The following NT5C1A variants were observed in gnomAD, a reference collection of about 807,000 sequenced individuals.
NT5C1A encodes cytosolic 5'-nucleotidase 1A.
Under a neutral mutation model 31.0 loss-of-function variants are expected in NT5C1A, and 18 were observed. The observed-to-expected ratio is 0.58, with a 90% CI of 0.40 to 0.86. The LOEUF is 0.86. NT5C1A is among the 40% of genes least tolerant of loss of function. The pLI, the probability that NT5C1A is intolerant of heterozygous loss-of-function variation, is 0.00. For synonymous variants in NT5C1A, 185 were observed against 203.6 expected, an observed-to-expected ratio of 0.91 and a Z score of 0.78; for missense variants, 470 against 505.4, an observed-to-expected ratio of 0.93 and a Z score of 0.67.
At position 39,659,475 on chromosome 1, in the gene NT5C1A, C is replaced by T; in HGVS notation, c.753G>A (p.Lys251=). 6.4e-7 allele frequency: 1 copy of T among 1,572,542 alleles called. No homozygotes were observed. The highest frequency in any genetic ancestry group is 1.4e-5 in the African/African-American group (1 of 73,490). Residue 251 remains lysine, a synonymous_variant, in exon 6 of 6, where the codon AAG becomes AAA. Transcript: ENST00000235628. ...ENKPLAQGPL[K]GFLEALGRLQ... ...ACCTACCCAGTGCCTCCAGAAAGCC[C>T]TTTAAGGGGCCCTATGAGAAGGCAA...
intron 1 of NT5C1A, among the ~76,000 whole-genome samples, chr1:39,666,909 T>C (rs1438106835): frequency 2.0e-5 from 3 of 152,140 alleles, no homozygotes; most frequent in Non-Finnish European, 4.4e-5. Flanking sequence ...CCGAAATGAG[T>C]CAACTCTACT....
intron 1 of NT5C1A, among the ~76,000 whole-genome samples, chr1:39,668,243 T>A (rs565970867): frequency 6.6e-6 from 1 of 152,354 alleles, no homozygotes; most frequent in East Asian, 1.9e-4. Flanking sequence ...CTGGGCTTAC[T>A]GCCCCAGGGA....
rs930827718 is a variant in NT5C1A at position 39,656,234 on chromosome 1, T to C, written c.*2887A>G. Reference sequence around the variant, plus strand: ...AGCCGTGGCTGCTCCACCTCAGTGCTGCATTCCCTGGTTAGGCCTGGGACT... The same window carrying C: ...AGCCGTGGCTGCTCCACCTCAGTGCCGCATTCCCTGGTTAGGCCTGGGACT... On this transcript the variant is annotated 3_prime_UTR_variant, in exon 6 of 6. Transcript: ENST00000235628. Among the ~76,000 whole-genome samples the C allele has an allele frequency of 6.6e-6, 1 of 152,210 alleles. No individual in the cohort carries two copies. Among genetic ancestry groups the C allele is most frequent in the African/African-American group, 2.4e-5 (1 of 41,460 alleles).
rs975691411 is a variant in NT5C1A at position 39,665,395 on chromosome 1, AC to A, written c.433+125del. The stretch of plus-strand genomic sequence containing the variant: ...GTTTGTTTGTTTAAAGAGCGAATTT[AC>A]CAGCACACACTGGACTTGGGGTTCT... On this transcript the variant is annotated intron_variant, in intron 3 of 5. Transcript: ENST00000235628. 20 of 850,736 alleles carry A rather than the reference AC, an allele frequency of 2.4e-5. No homozygotes were observed. The African/African-American group carries it at 3.2e-4, about 14-fold the overall frequency. 52.7% of individuals were successfully genotyped at this position (850,736 alleles called of 1,614,324 possible).
At chr1:39,669,272 A>T (rs1020720511) in intron 1 of NT5C1A, among the ~76,000 whole-genome samples, 1 of 151,782 alleles carries the variant, frequency 6.6e-6, no homozygotes, top group South Asian at 2.1e-4. Context: ...CTTCCTGAGG[A>T]GCTCCCATTT....
intron 1 of NT5C1A, among the ~76,000 whole-genome samples, chr1:39,669,547 T>C (rs558413784): frequency 1.3e-5 from 2 of 152,264 alleles, no homozygotes; most frequent in East Asian, 3.9e-4. Context: ...CAAAATAGCC[T>C]GTGGGAAGAG....
In NT5C1A at chr1:39,665,503, CCTCATG is replaced by C. The variant is rs778056062; in HGVS notation, c.433+12_433+17del. ...GGGTGTCCCAGGGCAAACCCCCCAT[CCTCATG>C]CTCATGCTCACCATAGTGGTTGATA... On this transcript the variant is annotated intron_variant, in intron 3 of 5. Coordinates refer to ENST00000235628, the MANE Select transcript of NT5C1A (RefSeq NM_032526.3). 42 of 1,603,024 alleles carry C rather than the reference CCTCATG, an allele frequency of 2.6e-5. No homozygotes were observed. Among genetic ancestry groups the C allele is most frequent in the East Asian group, 6.7e-5 (3 of 44,608 alleles).
intron 5 of NT5C1A, among the ~76,000 whole-genome samples, chr1:39,659,803 A>C (rs1276925992): frequency 6.6e-6 from 1 of 152,194 alleles, no homozygotes; most frequent in East Asian, 1.9e-4. Context: ...TTCGATGCCC[A>C]TCAACAGGGG....
chr1:39,656,076 G>A lies in NT5C1A; in HGVS notation c.*3045C>T, dbSNP rs1165565168. 2.4e-5 allele frequency among the ~76,000 whole-genome samples: 2 copies of A among 83,976 alleles called. No homozygotes were observed. Among genetic ancestry groups the A allele is most frequent in the East Asian group, 2.2e-4 (1 of 4,522 alleles). 55.1% of individuals were successfully genotyped at this position (83,976 alleles called of 152,430 possible). A position where few individuals can be genotyped will look rare whatever the true frequency, so the allele number is the denominator to read the frequency against. On this transcript the variant is annotated 3_prime_UTR_variant, in exon 6 of 6. Transcript: ENST00000235628. Reference sequence around the variant, plus strand: ...GAGCAGTCTCAGTGCTTAGTAACAGGGCTTCCATTTTTCTGCTAAGCAGCA... The same window carrying A: ...GAGCAGTCTCAGTGCTTAGTAACAGAGCTTCCATTTTTCTGCTAAGCAGCA...
intron 2 of NT5C1A, 137 bp downstream of exon 2, chr1:39,665,932 A>C (rs957593030): frequency 1.2e-6 from 1 of 836,246 alleles, no homozygotes; most frequent in Non-Finnish European, 1.8e-6. Flanking sequence ...AGACTCTGTC[A>C]CCTAGCCAAG....
rs1646554845 is a variant in NT5C1A at position 39,671,969 on chromosome 1, C to CCGCAGCGGTCTCCGCTCCTGGCCCGGGCT, written c.41_69dup (p.Ala24SerfsTer87). 3 of 1,612,024 alleles carry CCGCAGCGGTCTCCGCTCCTGGCCCGGGCT rather than the reference C, an allele frequency of 1.9e-6. No homozygotes were observed. The South Asian group carries it at 3.3e-5, about 18-fold the overall frequency. Reference sequence around the variant, plus strand: ...ATCTTGGCTTCCTCCCAGACCGGGGCCGCAGCGGTCTCCGCTCCTGGCCCG... The same window carrying CCGCAGCGGTCTCCGCTCCTGGCCCGGGCT: ...ATCTTGGCTTCCTCCCAGACCGGGGCCGCAGCGGTCTCCGCTCCTGGCCCGGGCTCGCAGCGGTCTCCGCTCCTGGCCCG... On this transcript the variant is annotated frameshift_variant, in exon 1 of 6. Coordinates refer to ENST00000235628, the MANE Select transcript of NT5C1A (RefSeq NM_032526.3). LOFTEE classifies it high-confidence loss of function.
Position 39,666,384 on chromosome 1 carries a change from C to A in NT5C1A, c.136-148G>T. The A allele has an allele frequency of 4.1e-6, 3 of 737,676 alleles. No individual in the cohort carries two copies. The South Asian group carries it at 5.8e-5, about 14-fold the overall frequency. The allele number at this position is 737,676 out of a possible 1,614,324, so 45.7% of individuals were successfully genotyped here. A position where few individuals can be genotyped will look rare whatever the true frequency, so the allele number is the denominator to read the frequency against. On this transcript the variant is annotated intron_variant, in intron 1 of 5. Coordinates refer to ENST00000235628, the MANE Select transcript of NT5C1A (RefSeq NM_032526.3). Reference sequence around the variant, plus strand: ...AGGCCCAGCCTTGAGCAGATGTGGACTTAGGTCAGGACCCCATCTATGACG... The same window carrying A: ...AGGCCCAGCCTTGAGCAGATGTGGAATTAGGTCAGGACCCCATCTATGACG...
At chr1:39,668,522 T>C (rs1353029924) in intron 1 of NT5C1A, among the ~76,000 whole-genome samples, 1 of 152,080 alleles carries the variant, frequency 6.6e-6, no homozygotes, top group East Asian at 1.9e-4. Flanking sequence ...CTTTTCCAGA[T>C]GGGGAAACAG....
At chr1:39,662,548 CA>C (rs140876887) in intron 4 of NT5C1A, among the ~76,000 whole-genome samples, 3,499 of 152,232 alleles carry the variant, frequency 0.023, 65 homozygotes, top group Non-Finnish European at 0.036. Flanking sequence ...AGTGAGTTAT[CA>C]GGGGGAGAGG....
At position 39,664,992 on chromosome 1, in the gene NT5C1A, C is replaced by T. The variant is rs557126408; in HGVS notation, c.433+529G>A. ...ATTTTATTTCCTGCCCTCTGAAAGA[C>T]ACCCCTGTAACCTAATAAAAAATTC... On this transcript the variant is annotated intron_variant, in intron 3 of 5. Coordinates refer to ENST00000235628, the MANE Select transcript of NT5C1A (RefSeq NM_032526.3). Among the ~76,000 whole-genome samples, 19 of 152,302 alleles carry T rather than the reference C, an allele frequency of 1.2e-4. No homozygotes were observed. The East Asian group carries it at 3.5e-3, about 28-fold the overall frequency.
rs1198106461 is a variant in NT5C1A, at chr1:39,665,516, C to T, written c.433+5G>A. The T allele has an allele frequency of 6.2e-6, 10 of 1,609,648 alleles. No individual in the cohort carries two copies. Among genetic ancestry groups the T allele is most frequent in the Non-Finnish European group, 8.5e-6 (10 of 1,178,240 alleles). ...CAAACCCCCCATCCTCATGCTCATG[C>T]TCACCATAGTGGTTGATACTGTTGA... On this transcript the variant is annotated splice_donor_5th_base_variant and intron_variant, in intron 3 of 5. Coordinates refer to ENST00000235628, the MANE Select transcript of NT5C1A (RefSeq NM_032526.3).
chr1:39,666,886 C>T (rs1557747109), intron 1 of NT5C1A, among the ~76,000 whole-genome samples: 1 of 152,240 alleles, frequency 6.6e-6, no homozygotes, highest in African/African-American at 2.4e-5. Context: ...CTCCCTTCCT[C>T]ATCAATCGAT....
At chr1:39,669,249 AC>A (rs1174290029) in intron 1 of NT5C1A, among the ~76,000 whole-genome samples, 23 of 151,238 alleles carry the variant, frequency 1.5e-4, no homozygotes, top group Admixed American at 1.4e-3. Context: ...AGTGCAGCCC[AC>A]CCCCACCTGG....
chr1:39,665,485 C>T (rs553026341), intron 3 of NT5C1A, 36 bp downstream of exon 3: 1 of 1,582,236 alleles, frequency 6.3e-7, no homozygotes, highest in South Asian at 1.2e-5. Context: ...TAGGGGTGTC[C>T]CAGGGCAAAC....
Sources: gnomAD v4.1 joint callset for allele counts (sites outside exome capture counted in the v4.1 genomes callset) on GRCh38, gnomAD v4.1.1 for gene constraint, MANE v1.5 for transcripts, NCBI Gene and HGNC (gene_info 2026-07-23, HGNC 2026-07-21) for gene names.